CCDC144A: variants seen among roughly 807,000 people sequenced by gnomAD.
CCDC144A encodes the protein coiled-coil domain-containing protein 144A.
Under a neutral mutation model 143.8 loss-of-function variants are expected in CCDC144A, and 41 were observed. The observed-to-expected ratio is 0.29, with a 90% CI of 0.22 to 0.37. The LOEUF (loss-of-function observed/expected upper bound fraction) is 0.37. CCDC144A is among the 10% of genes least tolerant of loss of function. The pLI, the probability that CCDC144A is intolerant of heterozygous loss-of-function variation, is 1.00. For synonymous variants in CCDC144A, 242 were observed against 517.9 expected (o/e 0.47, Z 7.23); for missense variants, 637 against 1,488.8 (o/e 0.43, Z 9.41).
At chr17:16,682,289 G>T in the CCDC144A span, among the ~76,000 whole-genome samples, 1 of 151,658 alleles carries the variant, frequency 6.6e-6, no homozygotes, top group Admixed American at 6.6e-5. Flanking sequence ...GATACAGAGA[G>T]AACTAAAAGG....
Position 16,732,612 on chromosome 17 carries a change from T to G in CCDC144A, c.2364T>G (p.Ile788Met), listed in dbSNP as rs1188286107. The change falls in exon 11 of 17, where the codon ATT becomes ATG. Residue 788 changes from isoleucine (I) to methionine (M), a missense_variant. By Grantham distance (10) the Ile-to-Met change is conservative. Coordinates refer to ENST00000399273, the MANE Select transcript of CCDC144A (RefSeq NM_001382000.1). ...EQDARILQDQ[I>M]LTSKQKELEM... ...ATGCCAGAATATTACAAGATCAGAT[T>G]CTGACGAGTAAACAAAAGGAACTAG... 1 of 1,611,414 alleles carries G rather than the reference T, an allele frequency of 6.2e-7. No homozygotes were observed. Among genetic ancestry groups the G allele is most frequent in the Non-Finnish European group, 8.5e-7 (1 of 1,179,082 alleles).
chr17:16,724,095 C>G (rs1399503962), intron 8 of CCDC144A, among the ~76,000 whole-genome samples: 1 of 151,608 alleles, frequency 6.6e-6, no homozygotes, highest in East Asian at 1.9e-4. Flanking sequence ...GTGTCTTTGA[C>G]CTAGGGTTAT....
rs1314715453 is a variant in CCDC144A, at chr17:16,761,240, A to G, written c.3373-185A>G. ...GTAGTCCCAGCTACTCCAGCTACGC[A>G]GGAGAATGGCCTGAACCCGGGAGGC... On this transcript the variant is annotated intron_variant, in intron 12 of 16. Transcript: ENST00000399273. Among the ~76,000 whole-genome samples, 176 of 152,128 alleles carry G rather than the reference A, an allele frequency of 1.2e-3. No homozygotes were observed. In the Middle Eastern group the frequency reaches 0.024, roughly 21 times the overall value.
In CCDC144A at chr17:16,777,463, A is replaced by G. The variant is rs1916040503; in HGVS notation, c.*3830A>G. The G allele has an allele frequency of 6.8e-6, 1 of 147,444 alleles. No individual in the cohort carries two copies. Among genetic ancestry groups the G allele is most frequent in the East Asian group, 2.0e-4 (1 of 4,898 alleles). The allele number at this position is 147,444 out of a possible 1,614,324, so 9.1% of individuals were successfully genotyped here. A position where few individuals can be genotyped will look rare whatever the true frequency, so the allele number is the denominator to read the frequency against. ...TCCAAAATAGACCATATGATAGGGC[A>G]CAAAACAAGTCTCAGTAAATTTAAG... On this transcript the variant is annotated 3_prime_UTR_variant, in exon 17 of 17. Coordinates refer to ENST00000399273, the MANE Select transcript of CCDC144A (RefSeq NM_001382000.1).
chr17:16,688,162 C>T (rs1270402094), upstream of CCDC144A, among the ~76,000 whole-genome samples: 1 of 151,860 alleles, frequency 6.6e-6, no homozygotes, highest in East Asian at 1.9e-4. Flanking sequence ...TGTTTTCAGA[C>T]CAGCATCTTC....
At chr17:16,670,484 G>A in the CCDC144A span, among the ~76,000 whole-genome samples, 1 of 150,510 alleles carries the variant, frequency 6.6e-6, no homozygotes, top group East Asian at 2.0e-4. Flanking sequence ...TCTTTAAAAT[G>A]ATAACACTAG....
chr17:16,721,226 C>A (rs1216486105), intron 8 of CCDC144A, among the ~76,000 whole-genome samples: 2 of 151,906 alleles, frequency 1.3e-5, no homozygotes, highest in Non-Finnish European at 2.9e-5. Context: ...ATAGACTGCA[C>A]GTATATAAAA....
At chr17:16,678,098 C>T in the CCDC144A span, among the ~76,000 whole-genome samples, 6 of 152,010 alleles carry the variant, frequency 3.9e-5, no homozygotes, top group African/African-American at 1.4e-4. Flanking sequence ...AGGGTAGGTG[C>T]TTTGGGATCG....
intron 12 of CCDC144A, among the ~76,000 whole-genome samples, chr17:16,754,219 G>A (rs4125009): frequency 3.0e-3 from 459 of 152,224 alleles, no homozygotes; most frequent in Admixed American, 8.7e-3. Flanking sequence ...CTTGTTTAAT[G>A]TAGTTTGCAG....
chr17:16,678,984 C>T, the CCDC144A span, among the ~76,000 whole-genome samples: 127 of 151,966 alleles, frequency 8.4e-4, 4 homozygotes, highest in East Asian at 0.021. Flanking sequence ...AAACTCCCAA[C>T]GTCAGGTGAT....
In CCDC144A at chr17:16,757,766, G is replaced by A. The variant is rs1480965819; in HGVS notation, c.3373-3659G>A. The stretch of plus-strand genomic sequence containing the variant: ...CTGGTGGTGGCAGTGGTGTCAGTCA[G>A]GTGGCTCCTAGGCTCTAGACAGCAC... On this transcript the variant is annotated intron_variant, in intron 12 of 16. Coordinates refer to ENST00000399273, the MANE Select transcript of CCDC144A (RefSeq NM_001382000.1). 2.6e-5 allele frequency among the ~76,000 whole-genome samples: 4 copies of A among 152,250 alleles called. 1 individual carries two copies. Among genetic ancestry groups the A allele is most frequent in the Admixed American group, 2.0e-4 (3 of 15,292 alleles).
intron 5 of CCDC144A, among the ~76,000 whole-genome samples, chr17:16,711,401 AG>A (rs1912437523): frequency 6.6e-6 from 1 of 152,004 alleles, no homozygotes; most frequent in Non-Finnish European, 1.5e-5. Context: ...CACAAAATTA[AG>A]AAGGGCCCTG....
At chr17:16,754,061 T>G (rs1370908207) in intron 12 of CCDC144A, among the ~76,000 whole-genome samples, 1 of 152,240 alleles carries the variant, frequency 6.6e-6, no homozygotes, top group Non-Finnish European at 1.5e-5. Flanking sequence ...TTCTTGCTGG[T>G]TATGCACTTC....
the CCDC144A span, among the ~76,000 whole-genome samples, chr17:16,673,678 G>T: frequency 2.9e-3 from 448 of 152,186 alleles, 1 homozygote; most frequent in African/African-American, 0.01. Flanking sequence ...GAGCCACCAC[G>T]CCCGGCCTAT....
Position 16,734,923 on chromosome 17 carries a change from G to A in CCDC144A, c.2652G>A (p.Gln884=), listed in dbSNP as rs779110598. The change falls in exon 12 of 17, where the codon CAG becomes CAA. Residue 884 remains glutamine, a synonymous_variant. Coordinates refer to ENST00000399273, the MANE Select transcript of CCDC144A (RefSeq NM_001382000.1). The part of the protein sequence containing the change: ...LTETILQYSG[Q]LNNLTAENKI... The stretch of plus-strand genomic sequence containing the variant: ...AAACAATACTCCAGTACAGTGGACA[G>A]CTGAACAATCTGACAGCTGAGAACA... The A allele has an allele frequency of 3.1e-6, 5 of 1,588,448 alleles. No individual in the cohort carries two copies. The highest frequency in any genetic ancestry group is 2.2e-4 in the Middle Eastern group (1 of 4,594).
chr17:16,769,148 C>T (rs1022139277), intron 15 of CCDC144A, among the ~76,000 whole-genome samples: 2 of 152,074 alleles, frequency 1.3e-5, no homozygotes, highest in African/African-American at 2.4e-5. Flanking sequence ...CAGGTGCATG[C>T]TGCTTACTGC....
At chr17:16,726,149 T>G (rs914406896) in intron 8 of CCDC144A, among the ~76,000 whole-genome samples, 1 of 151,436 alleles carries the variant, frequency 6.6e-6, no homozygotes, top group Admixed American at 6.6e-5. Flanking sequence ...GAGGCCGAGG[T>G]GGGCGGATCA....
intron 12 of CCDC144A, among the ~76,000 whole-genome samples, chr17:16,751,806 G>T (rs1914806433): frequency 6.6e-6 from 1 of 152,250 alleles, no homozygotes; most frequent in Non-Finnish European, 1.5e-5. Context: ...GTGTGCACCT[G>T]GTGTGGTGCC....
intron 6 of CCDC144A, among the ~76,000 whole-genome samples, chr17:16,715,526 A>G (rs1664765855): frequency 6.6e-6 from 1 of 152,118 alleles, no homozygotes; most frequent in Non-Finnish European, 1.5e-5. Flanking sequence ...CTTATGATAA[A>G]ATGGATCAAA....
Sources: gnomAD v4.1 joint callset for allele counts (sites outside exome capture counted in the v4.1 genomes callset) on GRCh38, gnomAD v4.1.1 for gene constraint, MANE v1.5 for transcripts, NCBI Gene and HGNC (gene_info 2026-07-23, HGNC 2026-07-21) for gene names.